The following HDX variants were observed in gnomAD, a reference collection of about 807,000 sequenced individuals.
HDX encodes the protein highly divergent homeobox.
A neutral mutation model predicts 45.2 loss-of-function variants in HDX; 19 were observed. The observed-to-expected ratio is 0.42, with a 90% CI of 0.29 to 0.62. The LOEUF is 0.62. Ranked by LOEUF, HDX falls within the 20% of genes least tolerant of loss-of-function variation. The pLI is 0.20. For synonymous variants in HDX, 188 were observed against 172.8 expected (o/e 1.09, Z -0.69); for missense variants, 532 against 493.9 (o/e 1.08, Z -0.73).
At chrX:84,453,586 C>G (rs1192181630) in intron 4 of HDX, among the ~76,000 whole-genome samples, 2 of 112,088 alleles carry the variant, frequency 1.8e-5, no homozygotes, top group African/African-American at 6.5e-5. Flanking sequence ...TTTGGCAAGC[C>G]TCACCATTGA....
chrX:84,374,792 T>A (rs2038000108), intron 5 of HDX, among the ~76,000 whole-genome samples: 1 of 103,808 alleles, frequency 9.6e-6, no homozygotes, highest in African/African-American at 3.5e-5. Flanking sequence ...ATAAAAACCC[T>A]AGAAGAAAAC....
At chrX:84,430,997 A>AT (rs2039493689) in intron 5 of HDX, among the ~76,000 whole-genome samples, 1 of 110,582 alleles carries the variant, frequency 9.0e-6, no homozygotes, top group Admixed American at 9.7e-5. Flanking sequence ...TGATAGGTAG[A>AT]TTTTTTATCC....
intron 7 of HDX, among the ~76,000 whole-genome samples, chrX:84,338,220 T>A (rs2037008700): frequency 9.0e-6 from 1 of 110,862 alleles, no homozygotes; most frequent in Non-Finnish European, 1.9e-5. Context: ...TATGACCATA[T>A]AGAGAATTCA....
intron 5 of HDX, among the ~76,000 whole-genome samples, chrX:84,412,482 A>G (rs763992554): frequency 2.0e-4 from 22 of 111,755 alleles, no homozygotes; most frequent in African/African-American, 6.8e-4. Context: ...TAATAGTGCA[A>G]TGCTTAATAT....
intron 5 of HDX, among the ~76,000 whole-genome samples, chrX:84,405,588 C>CT (rs55758874): frequency 0.12 from 6,874 of 57,993 alleles, 444 homozygotes; most frequent in East Asian, 0.38. Flanking sequence ...GGATTTTCTG[C>CT]TTTTTTTTTT....
At chrX:84,382,729 G>C (rs1569307525) in intron 5 of HDX, among the ~76,000 whole-genome samples, 1 of 111,235 alleles carries the variant, frequency 9.0e-6, no homozygotes, top group Non-Finnish European at 1.9e-5. Flanking sequence ...GGGAGGTAAG[G>C]ATAGTTAATG....
intron 5 of HDX, chrX:84,440,329 G>A (rs2039733235): frequency 2.9e-6 from 1 of 340,814 alleles, no homozygotes; most frequent in African/African-American, 2.7e-5. Context: ...GGATTATATG[G>A]TGTGCTGAGT....
At chrX:84,473,804 G>A (rs749592236) in intron 3 of HDX, among the ~76,000 whole-genome samples, 2 of 109,647 alleles carry the variant, frequency 1.8e-5, no homozygotes, top group Admixed American at 1.9e-4. Context: ...AATTACTGCA[G>A]GAAAAAAAAA....
At position 84,324,832 on chromosome X, in the gene HDX, C is replaced by A. The variant is rs537497702; in HGVS notation, c.1947+1346G>T. 2.2e-3 allele frequency among the ~76,000 whole-genome samples: 243 copies of A among 110,557 alleles called. 2 individuals carry two copies. The highest frequency in any genetic ancestry group is 7.5e-3 in the African/African-American group (230 of 30,552). On this transcript the variant is annotated intron_variant, in intron 10 of 10. Coordinates refer to ENST00000373177, the MANE Select transcript of HDX (RefSeq NM_001177479.2). ...AACAAGAGCCACACTTTAAGTTATTCCTCTGCTTGTACCTAATTTTGTTTA... is the reference window on the plus strand; with the variant it reads ...AACAAGAGCCACACTTTAAGTTATTACTCTGCTTGTACCTAATTTTGTTTA...
intron 5 of HDX, among the ~76,000 whole-genome samples, chrX:84,429,883 A>T (rs747050086): frequency 9.0e-6 from 1 of 110,614 alleles, no homozygotes; most frequent in Non-Finnish European, 1.9e-5. Context: ...TAAAAAAACT[A>T]GCTGTATATT....
At chrX:84,337,121 G>A (rs940152452) in intron 7 of HDX, among the ~76,000 whole-genome samples, 14 of 109,985 alleles carry the variant, frequency 1.3e-4, no homozygotes, top group African/African-American at 4.6e-4. Flanking sequence ...GACAAAAACT[G>A]TATCCTTAAC....
At chrX:84,385,509 G>A (rs761616643) in intron 5 of HDX, among the ~76,000 whole-genome samples, 2 of 110,448 alleles carry the variant, frequency 1.8e-5, no homozygotes, top group East Asian at 5.7e-4. Context: ...CACCGCGCCC[G>A]GCCTCATCTC....
At chrX:84,332,352 T>C (rs896477668) in intron 9 of HDX, among the ~76,000 whole-genome samples, 1 of 111,763 alleles carries the variant, frequency 8.9e-6, no homozygotes, top group African/African-American at 3.2e-5. Flanking sequence ...GACCCCTTTG[T>C]TTCCACAGAA....
chrX:84,356,046 T>C (rs2037472980), intron 6 of HDX, among the ~76,000 whole-genome samples: 1 of 110,649 alleles, frequency 9.0e-6, no homozygotes, highest in African/African-American at 3.3e-5. Context: ...AGAAAAAGTA[T>C]ACCAAGTTTG....
intron 9 of HDX, among the ~76,000 whole-genome samples, chrX:84,332,113 C>A (rs1181977257): frequency 9.0e-6 from 1 of 111,418 alleles, no homozygotes; most frequent in Non-Finnish European, 1.9e-5. Context: ...AAACCAACAT[C>A]CTGAAATCAG....
At chrX:84,333,996 A>C (rs2036900383) in intron 8 of HDX, among the ~76,000 whole-genome samples, 154 bp from the exon 9 acceptor site, 1 of 111,114 alleles carries the variant, frequency 9.0e-6, no homozygotes, top group African/African-American at 3.3e-5. Context: ...TGTTACATAT[A>C]GTGTGTGTCT....
At chrX:84,347,321 A>G (rs2037230367) in intron 6 of HDX, among the ~76,000 whole-genome samples, 1 of 110,884 alleles carries the variant, frequency 9.0e-6, no homozygotes, top group Non-Finnish European at 1.9e-5. Flanking sequence ...CAGCCTCCTG[A>G]GTAGCTAGAA....
At chrX:84,342,437 C>T (rs2037106223) in intron 7 of HDX, among the ~76,000 whole-genome samples, 1 of 110,990 alleles carries the variant, frequency 9.0e-6, no homozygotes, top group African/African-American at 3.3e-5. Context: ...TGTAAACTGT[C>T]AAATCAGTGT....
At chrX:84,386,694 A>T (rs1160653203) in intron 5 of HDX, among the ~76,000 whole-genome samples, 3 of 111,447 alleles carry the variant, frequency 2.7e-5, no homozygotes, top group African/African-American at 6.5e-5. Context: ...ATCAGTTGTA[A>T]TGTCACTATT....
Sources: gnomAD v4.1 joint callset for allele counts (sites outside exome capture counted in the v4.1 genomes callset) on GRCh38, gnomAD v4.1.1 for gene constraint, MANE v1.5 for transcripts, NCBI Gene and HGNC (gene_info 2026-07-23, HGNC 2026-07-21) for gene names.